The following IMMP2L variants were observed in gnomAD, a reference collection of about 807,000 sequenced individuals.
The protein encoded by IMMP2L is inner mitochondrial membrane peptidase subunit 2, also known as mitochondrial inner membrane protease subunit 2.
A neutral mutation model predicts 19.3 loss-of-function variants in IMMP2L; 18 were observed. The ratio of observed to expected loss-of-function variants is 0.93; its 90% CI spans 0.64 to 1.38. The LOEUF (loss-of-function observed/expected upper bound fraction) is 1.38. Among genes scored for constraint, IMMP2L ranks in the 40% most tolerant of loss-of-function variants. IMMP2L has a pLI of 0.00. For missense variants in IMMP2L, 233 were observed against 218.2 expected, an observed-to-expected ratio of 1.07 and a Z score of -0.43; for synonymous variants, 76 against 73.0, an observed-to-expected ratio of 1.04 and a Z score of -0.21.
intron 4 of IMMP2L, among the ~76,000 whole-genome samples, chr7:110,917,089 T>A (rs1813694558): frequency 6.6e-6 from 1 of 152,158 alleles, no homozygotes; most frequent in Non-Finnish European, 1.5e-5. Context: ...AGTATCCATG[T>A]GACAAAAAAC....
intron 5 of IMMP2L, among the ~76,000 whole-genome samples, chr7:110,665,373 TCTC>T (rs1252156643): frequency 2.0e-5 from 3 of 152,144 alleles, no homozygotes; most frequent in Non-Finnish European, 4.4e-5. Flanking sequence ...TCAACATATA[TCTC>T]CTGAGAATGA....
intron 3 of IMMP2L, among the ~76,000 whole-genome samples, chr7:111,112,779 T>G (rs1799392787): frequency 6.6e-6 from 1 of 152,172 alleles, no homozygotes; most frequent in East Asian, 1.9e-4. Flanking sequence ...ACATCGCTAT[T>G]ATCGTCTTCC....
intron 5 of IMMP2L, among the ~76,000 whole-genome samples, chr7:110,696,698 T>C (rs898643529): frequency 6.6e-6 from 1 of 152,104 alleles, no homozygotes; most frequent in African/African-American, 2.4e-5. Context: ...AATGCTAGGA[T>C]TATAGGCGTG....
At chr7:111,381,574 G>A (rs1482683582) in intron 3 of IMMP2L, among the ~76,000 whole-genome samples, 4 of 151,974 alleles carry the variant, frequency 2.6e-5, no homozygotes, top group African/African-American at 9.7e-5. Context: ...ATGAAAAACT[G>A]TGAGGAGGAA....
intron 3 of IMMP2L, among the ~76,000 whole-genome samples, chr7:111,083,337 A>G (rs2129576704): frequency 6.6e-6 from 1 of 152,344 alleles, no homozygotes; most frequent in East Asian, 1.9e-4. Flanking sequence ...TGATTTATAG[A>G]TACCTTCACA....
Position 110,805,641 on chromosome 7 carries a change from G to A in IMMP2L, c.408+80952C>T, listed in dbSNP as rs1167021969. Among the ~76,000 whole-genome samples, 3 of 152,006 alleles carry A rather than the reference G, an allele frequency of 2.0e-5. No individual in the cohort carries two copies. The East Asian group carries it at 5.8e-4, about 30-fold the overall frequency. On this transcript the variant is annotated intron_variant, in intron 5 of 5. Coordinates refer to ENST00000405709, the MANE Select transcript of IMMP2L (RefSeq NM_032549.4). ...AAATTCAAGATTTATGAGCAATTGT[G>A]TCAAGGAAAAAATATAAACTCTCAG...
At chr7:111,084,708 A>T (rs1796166311) in intron 3 of IMMP2L, among the ~76,000 whole-genome samples, 1 of 152,184 alleles carries the variant, frequency 6.6e-6, no homozygotes, top group Admixed American at 6.5e-5. Flanking sequence ...TTTGATGTGC[A>T]ATAACCAAAT....
chr7:111,072,567 T>C (rs954082674), intron 3 of IMMP2L, among the ~76,000 whole-genome samples: 1 of 148,334 alleles, frequency 6.7e-6, no homozygotes, highest in African/African-American at 2.5e-5. Flanking sequence ...AAAGTCAGCA[T>C]GACAAAAGAC....
chr7:111,200,488 T>C (rs553561874), intron 3 of IMMP2L, among the ~76,000 whole-genome samples: 1 of 152,236 alleles, frequency 6.6e-6, no homozygotes, highest in South Asian at 2.1e-4. Flanking sequence ...TTGTATTTTG[T>C]TTGTCTACTT....
intron 5 of IMMP2L, among the ~76,000 whole-genome samples, chr7:110,717,267 G>A (rs374208161): frequency 2.6e-5 from 4 of 152,196 alleles, no homozygotes; most frequent in African/African-American, 7.2e-5. Context: ...ATGAGGTCAG[G>A]AGATGGAGAC....
intron 3 of IMMP2L, among the ~76,000 whole-genome samples, chr7:111,061,502 A>G (rs1300814855): frequency 1.3e-5 from 2 of 152,160 alleles, no homozygotes; most frequent in African/African-American, 4.8e-5. Flanking sequence ...GGGGACTTAA[A>G]GGGTGGCCAG....
Position 110,749,436 on chromosome 7 carries a change from A to G in IMMP2L, c.409-85715T>C, listed in dbSNP as rs116002542. 4.8e-3 allele frequency among the ~76,000 whole-genome samples: 738 copies of G among 152,330 alleles called. 5 individuals are homozygous for G. Among genetic ancestry groups the G allele is most frequent in the African/African-American group, 0.017 (698 of 41,570 alleles). ...CTATAAATCATTATACTATAAAGACACATGCAAACGTTATGTTTATTGTGG... is the reference window on the plus strand; with the variant it reads ...CTATAAATCATTATACTATAAAGACGCATGCAAACGTTATGTTTATTGTGG... On this transcript the variant is annotated intron_variant, in intron 5 of 5. Transcript: ENST00000405709.
At chr7:110,830,048 G>T (rs2131377948) in intron 5 of IMMP2L, among the ~76,000 whole-genome samples, 1 of 152,228 alleles carries the variant, frequency 6.6e-6, no homozygotes, top group East Asian at 1.9e-4. Context: ...TCACATATGT[G>T]CTTAGTGTCA....
intron 5 of IMMP2L, among the ~76,000 whole-genome samples, chr7:110,823,940 A>C (rs1325528429): frequency 2.0e-5 from 3 of 152,118 alleles, no homozygotes; most frequent in Non-Finnish European, 4.4e-5. Context: ...AGTCTGATCT[A>C]TGATATTTCT....
intron 3 of IMMP2L, among the ~76,000 whole-genome samples, chr7:111,321,922 G>C (rs1824759483): frequency 6.6e-6 from 1 of 151,874 alleles, no homozygotes; most frequent in Non-Finnish European, 1.5e-5. Flanking sequence ...TATGGACAAT[G>C]AAACACCTTG....
intron 5 of IMMP2L, among the ~76,000 whole-genome samples, chr7:110,743,213 T>C (rs937733237): frequency 6.6e-6 from 1 of 152,122 alleles, no homozygotes; most frequent in Non-Finnish European, 1.5e-5. Flanking sequence ...ATGTGGTCTC[T>C]AGGTCTGAGA....
At chr7:111,184,413 A>T (rs1808048263) in intron 3 of IMMP2L, among the ~76,000 whole-genome samples, 1 of 152,044 alleles carries the variant, frequency 6.6e-6, no homozygotes, top group South Asian at 2.1e-4. Context: ...ATATATATTG[A>T]TAATTTGAAG....
intron 4 of IMMP2L, among the ~76,000 whole-genome samples, chr7:110,920,664 G>A (rs528674176): frequency 5.3e-4 from 81 of 152,236 alleles, no homozygotes; most frequent in African/African-American, 1.9e-3. Flanking sequence ...AAGCTTCTAT[G>A]TATCATTATC....
At position 110,760,658 on chromosome 7, in the gene IMMP2L, A is replaced by T. The variant is rs1334220968; in HGVS notation, c.409-96937T>A. On this transcript the variant is annotated intron_variant, in intron 5 of 5. Coordinates refer to ENST00000405709, the MANE Select transcript of IMMP2L (RefSeq NM_032549.4). This position sits in a 1 kb window ranked among gnomAD's most constrained non-coding sequence, Gnocchi z 4.2. ...ACGTTTTCCTTCCAACATATCACAG[A>T]ATTGAATCTTTTTTGGTCTGTGCTT... Among the ~76,000 whole-genome samples, 1 of 152,136 alleles carries T rather than the reference A, an allele frequency of 6.6e-6. No homozygotes were observed. The highest frequency in any genetic ancestry group is 1.5e-5 in the Non-Finnish European group (1 of 68,024).
Sources: gnomAD v4.1 joint callset for allele counts (sites outside exome capture counted in the v4.1 genomes callset) on GRCh38, gnomAD v4.1.1 for gene constraint, Gnocchi (gnomAD v3.1) non-coding constraint, MANE v1.5 for transcripts, NCBI Gene and HGNC (gene_info 2026-07-23, HGNC 2026-07-21) for gene names.